Variants in RANBP2 observed in about 807,000 individuals in gnomAD.
RANBP2 encodes E3 SUMO-protein ligase RanBP2.
Under a neutral mutation model 303.6 loss-of-function variants are expected in RANBP2, and 57 were observed. The ratio of observed to expected loss-of-function variants is 0.19; its 90% CI spans 0.15 to 0.23. RANBP2 has a LOEUF of 0.23. Ranked by LOEUF, RANBP2 falls within the 10% of genes least tolerant of loss-of-function variation. The pLI is 1.00. For missense variants in RANBP2, 3,138 were observed against 3,780.8 expected (o/e 0.83, Z 4.46); for synonymous variants, 1,167 against 1,301.5 (o/e 0.90, Z 2.23).
At chr2:108,756,692 GA>G (rs1249992741) in intron 17 of RANBP2, among the ~76,000 whole-genome samples, 1 of 152,226 alleles carries the variant, frequency 6.6e-6, no homozygotes, top group East Asian at 1.9e-4. Flanking sequence ...CCATGAGCTT[GA>G]AAAGCTTGGT....
At chr2:108,938,141 A>G in the RANBP2 span, among the ~76,000 whole-genome samples, 1 of 152,250 alleles carries the variant, frequency 6.6e-6, no homozygotes, top group Non-Finnish European at 1.5e-5. Flanking sequence ...AGAGGCAGGA[A>G]GAGCATGGAA....
the RANBP2 span, among the ~76,000 whole-genome samples, chr2:108,953,795 A>G: frequency 6.6e-6 from 1 of 152,202 alleles, no homozygotes; most frequent in African/African-American, 2.4e-5. Context: ...TAGGCAGAAG[A>G]AAATGGTTCT....
chr2:109,571,573 T>A, the RANBP2 span, among the ~76,000 whole-genome samples: 46 of 152,342 alleles, frequency 3.0e-4, no homozygotes, highest in African/African-American at 1.1e-3. Context: ...AAACATATAA[T>A]ACAGTACAGT....
chr2:109,442,764 C>A, the RANBP2 span, among the ~76,000 whole-genome samples: 1 of 151,964 alleles, frequency 6.6e-6, no homozygotes, highest in African/African-American at 2.4e-5. Context: ...ATGAAAACAT[C>A]CAAAAGAAAG....
At chr2:109,506,253 C>T in the RANBP2 span, among the ~76,000 whole-genome samples, 3 of 152,318 alleles carry the variant, frequency 2.0e-5, no homozygotes, top group Admixed American at 1.3e-4. Context: ...CTCTAACTGA[C>T]ACTGACAGGT....
chr2:109,257,349 G>A, the RANBP2 span, among the ~76,000 whole-genome samples: 1 of 151,650 alleles, frequency 6.6e-6, no homozygotes, highest in Non-Finnish European at 1.5e-5. Flanking sequence ...AAGGAATTGA[G>A]GAGGGAATGA....
the RANBP2 span, among the ~76,000 whole-genome samples, chr2:109,219,018 C>G: frequency 6.6e-6 from 1 of 152,228 alleles, no homozygotes; most frequent in Non-Finnish European, 1.5e-5. Context: ...ACCTCTCTTT[C>G]TTGGCTGCAG....
At chr2:109,279,414 T>C in the RANBP2 span, among the ~76,000 whole-genome samples, 2 of 152,216 alleles carry the variant, frequency 1.3e-5, no homozygotes, top group Non-Finnish European at 1.5e-5. Flanking sequence ...GGAGTGACTG[T>C]CCCTTGACCT....
chr2:109,692,759 C>T, the RANBP2 span, among the ~76,000 whole-genome samples: 13 of 152,182 alleles, frequency 8.5e-5, no homozygotes, highest in African/African-American at 2.2e-4. Flanking sequence ...GGCCCACATG[C>T]GCCTCGTTCC....
At chr2:109,470,337 C>T in the RANBP2 span, among the ~76,000 whole-genome samples, 4,103 of 152,282 alleles carry the variant, frequency 0.027, 177 homozygotes, top group African/African-American at 0.094. Context: ...GACTCCTGCT[C>T]CATCTGGAAA....
the RANBP2 span, among the ~76,000 whole-genome samples, chr2:108,980,927 C>T: frequency 6.6e-6 from 1 of 151,982 alleles, no homozygotes; most frequent in Non-Finnish European, 1.5e-5. Flanking sequence ...TGAAACCTGG[C>T]CAAATTGATA....
In RANBP2 at chr2:108,755,093, G is replaced by T. The variant is rs527442319; in HGVS notation, c.2382+9G>T. On this transcript the variant is annotated intron_variant, in intron 16 of 28. Coordinates refer to ENST00000283195, the MANE Select transcript of RANBP2 (RefSeq NM_006267.5). ...CAAGTAAAAGTTACAAGGTAAACAGGAAAGAATGGAATCATTTCATTGTGA... is the reference window on the plus strand; with the variant it reads ...CAAGTAAAAGTTACAAGGTAAACAGTAAAGAATGGAATCATTTCATTGTGA... The T allele has an allele frequency of 6.2e-7, 1 of 1,611,934 alleles. No homozygotes were observed. Among genetic ancestry groups the T allele is most frequent in the South Asian group, 1.1e-5 (1 of 90,988 alleles).
chr2:108,971,568 AC>A, the RANBP2 span, among the ~76,000 whole-genome samples: 3 of 151,864 alleles, frequency 2.0e-5, no homozygotes, highest in Non-Finnish European at 4.4e-5. Context: ...GTAAATAAAT[AC>A]CCAGAATGAA....
the RANBP2 span, among the ~76,000 whole-genome samples, chr2:109,517,193 G>A: frequency 6.7e-6 from 1 of 149,872 alleles, no homozygotes; most frequent in Non-Finnish European, 1.5e-5. Context: ...CAGAGGTCCC[G>A]CCCAGCCTCT....
the RANBP2 span, among the ~76,000 whole-genome samples, chr2:109,217,133 A>T: frequency 2.6e-5 from 4 of 152,220 alleles, no homozygotes; most frequent in Admixed American, 6.5e-5. Flanking sequence ...GCTAAATCCT[A>T]TTCCATCGTA....
At chr2:109,474,191 G>A in the RANBP2 span, among the ~76,000 whole-genome samples, 1 of 152,174 alleles carries the variant, frequency 6.6e-6, no homozygotes, top group South Asian at 2.1e-4. Context: ...CTGTGTGTGG[G>A]CAGGTGTAAG....
At chr2:108,725,825 T>C (rs2149082118) in intron 1 of RANBP2, among the ~76,000 whole-genome samples, 1 of 152,248 alleles carries the variant, frequency 6.6e-6, no homozygotes, top group Middle Eastern at 3.4e-3. Flanking sequence ...AGTTCTTTTT[T>C]TTTTTGAGAC....
the RANBP2 span, chr2:108,839,019 T>A: frequency 4.0e-6 from 1 of 253,138 alleles, no homozygotes; most frequent in Non-Finnish European, 6.2e-6. Flanking sequence ...CTAAAATACA[T>A]ATTGCCAAAT....
At chr2:109,222,889 G>A in the RANBP2 span, among the ~76,000 whole-genome samples, 3 of 152,352 alleles carry the variant, frequency 2.0e-5, no homozygotes, top group South Asian at 4.1e-4. Flanking sequence ...AGGTGTCCGC[G>A]TGTATCCCAC....
Sources: gnomAD v4.1 joint callset for allele counts (sites outside exome capture counted in the v4.1 genomes callset) on GRCh38, gnomAD v4.1.1 for gene constraint, MANE v1.5 for transcripts, NCBI Gene and HGNC (gene_info 2026-07-23, HGNC 2026-07-21) for gene names.